The following ASTN1 variants were observed in gnomAD, a reference collection of about 807,000 sequenced individuals.
ASTN1 encodes the protein astrotactin-1.
Under a neutral mutation model 140.7 loss-of-function variants are expected in ASTN1, and 41 were observed. That is an observed-to-expected ratio of 0.29 (90% CI 0.23 to 0.38). The LOEUF is 0.38. Among genes scored for constraint, ASTN1 ranks in the 10% least tolerant of loss-of-function variants. The pLI is 1.00. For missense variants in ASTN1, 1,479 were observed against 1,678.8 expected (o/e 0.88, Z 2.08); for synonymous variants, 640 against 652.2 (o/e 0.98, Z 0.29).
chr1:177,017,617 T>A (rs10798495), intron 7 of ASTN1, among the ~76,000 whole-genome samples: 52,539 of 152,098 alleles, frequency 0.35, 9,906 homozygotes, highest in Non-Finnish European at 0.43. Flanking sequence ...TGGGAACGCA[T>A]GAGGCGCCGA....
rs1213185885 is a variant in ASTN1, at chr1:176,965,223, G to A, written c.1538C>T (p.Thr513Ile). The change falls in exon 9 of 23, where the codon ACA becomes ATA. Residue 513 changes from threonine (T) to isoleucine (I), a missense_variant. Around this residue, in one of 3 missense-constraint regions of ASTN1, gnomAD observed 729 missense variants for 860.4 expected, o/e 0.85. Coordinates refer to ENST00000361833, the MANE Select transcript of ASTN1 (RefSeq NM_004319.3). ...WGTNQGPWPY[T>I]IFQRGFDLVL... ...CAGGTCAAAGCCTCGCTGAAATATT[G>A]TGTAAGGCCATGGCCTAAAAGAAGA... The A allele has an allele frequency of 4.3e-6, 7 of 1,613,836 alleles. No homozygotes were observed. In the African/African-American group the frequency reaches 9.3e-5, roughly 22 times the overall value.
At chr1:177,061,017 A>G in intron 2 of ASTN1, 61 bp downstream of exon 2, 1 of 1,399,474 alleles carries the variant, frequency 7.1e-7, no homozygotes, top group Non-Finnish European at 9.5e-7. Flanking sequence ...TAATACCAAG[A>G]CCCTTAATGT....
At chr1:176,908,982 A>G (rs1670113114) in intron 16 of ASTN1, among the ~76,000 whole-genome samples, 2 of 152,212 alleles carry the variant, frequency 1.3e-5, no homozygotes, top group African/African-American at 4.8e-5. Context: ...CAATTCCTGC[A>G]TAATAAAGGG....
At chr1:177,096,963 C>T (rs1481639904) in intron 1 of ASTN1, among the ~76,000 whole-genome samples, 1 of 152,074 alleles carries the variant, frequency 6.6e-6, no homozygotes, top group Non-Finnish European at 1.5e-5. Context: ...TAAGAAATGG[C>T]CCTCACTAGA....
chr1:177,024,474 C>A, intron 6 of ASTN1, 109 bp downstream of exon 6: 1 of 1,386,668 alleles, frequency 7.2e-7, no homozygotes, highest in South Asian at 1.5e-5. Context: ...TTGGTTTTCC[C>A]CCGGTAGAGT....
chr1:177,035,050 A>G (rs1676647812), intron 2 of ASTN1, among the ~76,000 whole-genome samples: 1 of 152,254 alleles, frequency 6.6e-6, no homozygotes, highest in African/African-American at 2.4e-5. Flanking sequence ...ATGCAGTAAT[A>G]AAACAAGATT....
intron 2 of ASTN1, 117 bp from the exon 3 acceptor site, chr1:177,032,966 T>A: frequency 8.1e-7 from 1 of 1,236,140 alleles, no homozygotes. Flanking sequence ...TTCATTCAGC[T>A]GTATTAAGCA....
At chr1:177,128,587 T>A (rs976842999) in intron 1 of ASTN1, among the ~76,000 whole-genome samples, 13 of 152,170 alleles carry the variant, frequency 8.5e-5, no homozygotes, top group Admixed American at 2.0e-4. Context: ...AAATATGAGA[T>A]CTCTAAGTGA....
chr1:176,944,191 C>T (rs528934959), intron 13 of ASTN1, among the ~76,000 whole-genome samples, 173 bp from the exon 14 acceptor site: 1 of 152,226 alleles, frequency 6.6e-6, no homozygotes, highest in South Asian at 2.1e-4. Flanking sequence ...AATTCTCCTG[C>T]CTCAGCCTCC....
chr1:176,933,394 T>C (rs1014684617), intron 16 of ASTN1, among the ~76,000 whole-genome samples: 10 of 152,226 alleles, frequency 6.6e-5, no homozygotes, highest in African/African-American at 2.4e-4. Context: ...GCAAGTCCCA[T>C]ATCTACAACT....
chr1:177,067,683 T>C (rs538565079), intron 1 of ASTN1, among the ~76,000 whole-genome samples: 1 of 152,270 alleles, frequency 6.6e-6, no homozygotes, highest in South Asian at 2.1e-4. Flanking sequence ...TTCACCTTAG[T>C]ATCAAGCGTG....
chr1:177,162,599 A>G (rs1439946463), intron 1 of ASTN1, among the ~76,000 whole-genome samples: 1 of 152,194 alleles, frequency 6.6e-6, no homozygotes, highest in African/African-American at 2.4e-5. Context: ...ATTCTGCAAA[A>G]AAGAAATGAA....
At chr1:177,096,868 C>A (rs1463147682) in intron 1 of ASTN1, among the ~76,000 whole-genome samples, 3 of 152,078 alleles carry the variant, frequency 2.0e-5, no homozygotes, top group African/African-American at 7.2e-5. Flanking sequence ...TGGACAAATA[C>A]AATGCCCTTA....
At chr1:177,017,644 A>G (rs955681196) in intron 7 of ASTN1, among the ~76,000 whole-genome samples, 1 of 152,228 alleles carries the variant, frequency 6.6e-6, no homozygotes, top group Admixed American at 6.5e-5. Flanking sequence ...GGTGGTGTAC[A>G]TAGGACTCCA....
intron 1 of ASTN1, among the ~76,000 whole-genome samples, chr1:177,094,572 T>C (rs1304427002): frequency 6.6e-6 from 1 of 152,208 alleles, no homozygotes; most frequent in East Asian, 1.9e-4. Context: ...TGGCTTAATC[T>C]TGGACTTCCC....
At chr1:176,935,487 A>C (rs1671402979) in intron 15 of ASTN1, among the ~76,000 whole-genome samples, 1 of 152,208 alleles carries the variant, frequency 6.6e-6, no homozygotes, top group Admixed American at 6.5e-5. Flanking sequence ...TTTTGTGTTA[A>C]AAAAGAAAAA....
chr1:177,044,818 C>T (rs774321074), intron 2 of ASTN1, among the ~76,000 whole-genome samples: 11 of 152,332 alleles, frequency 7.2e-5, no homozygotes, highest in East Asian at 1.9e-4. Context: ...CAATCTGCAA[C>T]ATCATTATAA....
intron 16 of ASTN1, among the ~76,000 whole-genome samples, chr1:176,911,424 T>C (rs966938427): frequency 2.0e-5 from 3 of 152,212 alleles, no homozygotes; most frequent in African/African-American, 7.2e-5. Flanking sequence ...ATTTTAAATG[T>C]GTTCACTCTT....
intron 2 of ASTN1, among the ~76,000 whole-genome samples, chr1:177,038,861 T>A (rs900664820): frequency 1.3e-5 from 2 of 152,150 alleles, no homozygotes; most frequent in African/African-American, 4.8e-5. Context: ...CAAAAACAGA[T>A]CACAGGTGCT....
Sources: gnomAD v4.1 joint callset for allele counts (sites outside exome capture counted in the v4.1 genomes callset) on GRCh38, gnomAD v4.1.1 for gene constraint, gnomAD v4.1.1 regional missense constraint, MANE v1.5 for transcripts, NCBI Gene and HGNC (gene_info 2026-07-23, HGNC 2026-07-21) for gene names.